STAM: variants seen among roughly 807,000 people sequenced by gnomAD.
The protein encoded by STAM is signal transducing adapter molecule 1.
STAM carries 16 observed loss-of-function variants against 63.4 expected under a neutral mutation model. That is an observed-to-expected ratio of 0.25 (90% CI 0.17 to 0.38). The LOEUF is 0.38. Ranked by LOEUF, STAM falls within the 10% of genes least tolerant of loss-of-function variation. The pLI is 1.00. For missense variants in STAM, 636 were observed against 657.1 expected, an observed-to-expected ratio of 0.97 and a Z score of 0.35; for synonymous variants, 238 against 223.9, an observed-to-expected ratio of 1.06 and a Z score of -0.56.
intron 2 of STAM, among the ~76,000 whole-genome samples, chr10:17,662,472 AT>A (rs1312248465): frequency 5.3e-5 from 8 of 151,988 alleles, no homozygotes; most frequent in African/African-American, 1.9e-4. Flanking sequence ...AACTATTCTT[AT>A]TTGTGTTTTT....
At chr10:17,677,237 C>T (rs1480305636) in intron 2 of STAM, among the ~76,000 whole-genome samples, 8 of 152,080 alleles carry the variant, frequency 5.3e-5, no homozygotes, top group Non-Finnish European at 1.2e-4. Flanking sequence ...GGAATAGTTT[C>T]ATTTCAACAC....
rs570678976 is a variant in STAM, at chr10:17,705,760, A to G, written c.1209+19A>G. 2.5e-6 allele frequency: 4 copies of G among 1,604,822 alleles called. No individual in the cohort carries two copies. The highest frequency in any genetic ancestry group is 2.2e-5 in the East Asian group (1 of 44,786). ...TTCTCAGGTAAGCTTTTAGAAGCCC[A>G]TGTTGTTTTAAATTCTCAAATGCAC... On this transcript the variant is annotated intron_variant, in intron 12 of 13. Coordinates refer to ENST00000377524, the MANE Select transcript of STAM (RefSeq NM_003473.4).
At chr10:17,700,105 C>A (rs1835923681) in intron 8 of STAM, 86 bp from the exon 9 acceptor site, 1 of 1,135,122 alleles carries the variant, frequency 8.8e-7, no homozygotes, top group Non-Finnish European at 1.2e-6. Context: ...AAGAAAAATC[C>A]CCAAATCTCT....
At chr10:17,672,171 T>A (rs1252401358) in intron 2 of STAM, among the ~76,000 whole-genome samples, 1 of 152,222 alleles carries the variant, frequency 6.6e-6, no homozygotes, top group Non-Finnish European at 1.5e-5. Context: ...TTTCAGATAA[T>A]CTCACTAACT....
chr10:17,696,939 G>C, intron 8 of STAM, 70 bp downstream of exon 8: 1 of 1,284,620 alleles, frequency 7.8e-7, no homozygotes, highest in Non-Finnish European at 1.1e-6. Flanking sequence ...TGAGTAAACT[G>C]AACTTTTTAG....
At chr10:17,680,498 C>A (rs1835042620) in intron 2 of STAM, among the ~76,000 whole-genome samples, 1 of 151,488 alleles carries the variant, frequency 6.6e-6, no homozygotes, top group South Asian at 2.1e-4. Context: ...TCGTGGCTCA[C>A]TGCAGCAAGT....
chr10:17,684,082 C>T (rs543548590), intron 2 of STAM, among the ~76,000 whole-genome samples: 33 of 152,162 alleles, frequency 2.2e-4, no homozygotes, highest in Non-Finnish European at 2.6e-4. Flanking sequence ...ACTGTGTGAG[C>T]GTTGGATCTC....
chr10:17,694,896 C>T, intron 6 of STAM, 153 bp from the exon 7 acceptor site: 1 of 607,790 alleles, frequency 1.6e-6, no homozygotes, highest in Non-Finnish European at 2.6e-6. Context: ...AATAAACTGA[C>T]AAAATGATTT....
chr10:17,703,013 AAAAAAAAAAAAAAAG>A (rs1158119802), intron 9 of STAM, among the ~76,000 whole-genome samples: 6 of 137,958 alleles, frequency 4.3e-5, no homozygotes, highest in Non-Finnish European at 8.0e-5. Flanking sequence ...CATCTCAAAA[AAAAAAAAAAAAAAAG>A]AAAAGAAAAG....
rs1835929530 is a variant in STAM at position 17,700,217 on chromosome 10, T to G, written c.850T>G (p.Phe284Val). The G allele has an allele frequency of 1.2e-6, 2 of 1,609,962 alleles. No individual in the cohort carries two copies. The highest frequency in any genetic ancestry group is 2.2e-5 in the South Asian group (2 of 90,166). Residue 284 changes from phenylalanine (F) to valine (V), a missense_variant, in exon 9 of 14, where the codon TTT becomes GTT. Around this residue, in one of 3 missense-constraint regions of STAM, gnomAD observed 532 missense variants for 536.9 expected, o/e 0.99. Coordinates refer to ENST00000377524, the MANE Select transcript of STAM (RefSeq NM_003473.4). ...MIKTEKKTVQ[F>V]SDDVQVETIE... The stretch of plus-strand genomic sequence containing the variant: ...TAAAACAGAGAAGAAGACGGTACAA[T>G]TTAGTGATGATGTTCAGGTAGAGAC...
intron 2 of STAM, among the ~76,000 whole-genome samples, chr10:17,661,187 A>T (rs559964953): frequency 2.6e-5 from 4 of 152,210 alleles, no homozygotes; most frequent in Non-Finnish European, 5.9e-5. Context: ...ATTGGTGTGG[A>T]TATGGGTGAT....
At chr10:17,692,960 A>G (rs1274094012) in intron 5 of STAM, among the ~76,000 whole-genome samples, 1 of 151,868 alleles carries the variant, frequency 6.6e-6, no homozygotes, top group Non-Finnish European at 1.5e-5. Context: ...CTTGTGTACC[A>G]TATGCTTTTA....
Position 17,669,732 on chromosome 10 carries a change from C to T in STAM, c.125+9184C>T, listed in dbSNP as rs148208571. On this transcript the variant is annotated intron_variant, in intron 2 of 13. Transcript: ENST00000377524. ...TTTTTTTCTGAGATGGAGTCTCGCTCTGTCACCCAGGCTGTAGTGCAGTGG... is the reference window on the plus strand; with the variant it reads ...TTTTTTTCTGAGATGGAGTCTCGCTTTGTCACCCAGGCTGTAGTGCAGTGG... Among the ~76,000 whole-genome samples, 182 of 148,088 alleles carry T rather than the reference C, an allele frequency of 1.2e-3. 6 individuals carry two copies. The East Asian group carries it at 0.034, about 27-fold the overall frequency.
intron 10 of STAM, 36 bp from the exon 11 acceptor site, chr10:17,704,934 T>C (rs1564569503): frequency 1.3e-6 from 2 of 1,570,756 alleles, no homozygotes; most frequent in East Asian, 2.2e-5. Context: ...TTTTTTCTTG[T>C]ACTTTCTTAT....
At chr10:17,695,324 C>G in intron 7 of STAM, 83 bp downstream of exon 7, 2 of 1,275,452 alleles carry the variant, frequency 1.6e-6, no homozygotes, top group Non-Finnish European at 2.2e-6. Flanking sequence ...ATTGCAGTTA[C>G]CAAATACAAT....
At chr10:17,701,074 T>C (rs1835972979) in intron 9 of STAM, among the ~76,000 whole-genome samples, 2 of 152,196 alleles carry the variant, frequency 1.3e-5, no homozygotes, top group African/African-American at 4.8e-5. Flanking sequence ...AAATATAATA[T>C]CAACTTGGTG....
intron 4 of STAM, among the ~76,000 whole-genome samples, chr10:17,686,881 T>G (rs2131636810): frequency 6.6e-6 from 1 of 152,342 alleles, no homozygotes; most frequent in South Asian, 2.1e-4. Context: ...AATTATTTAG[T>G]AAGCATTGGT....
At chr10:17,703,483 A>G (rs1333309229) in intron 9 of STAM, among the ~76,000 whole-genome samples, 1 of 152,118 alleles carries the variant, frequency 6.6e-6, no homozygotes, top group African/African-American at 2.4e-5. Context: ...CTGCGTACCT[A>G]TATATAGTAG....
At chr10:17,707,143 C>G (rs1554829370) in intron 12 of STAM, among the ~76,000 whole-genome samples, 2 of 152,044 alleles carry the variant, frequency 1.3e-5, no homozygotes, top group Admixed American at 1.3e-4. Flanking sequence ...GGTGCGGTGG[C>G]TCATACCTGT....
Sources: gnomAD v4.1 joint callset for allele counts (sites outside exome capture counted in the v4.1 genomes callset) on GRCh38, gnomAD v4.1.1 for gene constraint, gnomAD v4.1.1 regional missense constraint, MANE v1.5 for transcripts, NCBI Gene and HGNC (gene_info 2026-07-23, HGNC 2026-07-21) for gene names.